ADAMTSL1: variants seen among roughly 807,000 people sequenced by gnomAD.
The protein encoded by ADAMTSL1 is ADAMTS-like protein 1.
In ADAMTSL1, 126 loss-of-function variants were observed where a neutral mutation model predicts 201.8. The observed-to-expected ratio is 0.62, with a 90% CI of 0.54 to 0.72. The LOEUF (loss-of-function observed/expected upper bound fraction) is 0.72, where lower values mean the gene tolerates loss of function less well. Ranked by LOEUF, ADAMTSL1 falls within the 30% of genes least tolerant of loss-of-function variation. ADAMTSL1 has a pLI of 0.00. For synonymous variants in ADAMTSL1, 1,121 were observed against 903.4 expected (o/e 1.24, Z -4.32); for missense variants, 2,679 against 2,277.8 (o/e 1.18, Z -3.59).
intron 2 of ADAMTSL1, among the ~76,000 whole-genome samples, chr9:18,254,659 GCC>G (rs551392654): frequency 1.0e-5 from 1 of 98,650 alleles, no homozygotes; most frequent in Non-Finnish European, 2.0e-5. Flanking sequence ...CACCGCGCCT[GCC>G]CCCCCGCCCC....
intron 2 of ADAMTSL1, among the ~76,000 whole-genome samples, chr9:18,329,338 CA>C (rs1445161643): frequency 1.3e-5 from 2 of 152,092 alleles, no homozygotes; most frequent in Non-Finnish European, 2.9e-5. Flanking sequence ...TTAGCCTAAA[CA>C]GACTAAAATA....
intron 2 of ADAMTSL1, among the ~76,000 whole-genome samples, chr9:18,389,852 T>C (rs1837970719): frequency 6.6e-6 from 1 of 152,164 alleles, no homozygotes; most frequent in Admixed American, 6.5e-5. Flanking sequence ...TATTTACAGA[T>C]ATATAGCTTA....
At chr9:17,950,610 A>G (rs925383707) in intron 1 of ADAMTSL1, among the ~76,000 whole-genome samples, 20 of 151,986 alleles carry the variant, frequency 1.3e-4, no homozygotes, top group Non-Finnish European at 2.6e-4. Context: ...GATCTCTCAT[A>G]CTGATACATA....
chr9:18,607,363 A>T (rs759193606), intron 4 of ADAMTSL1, among the ~76,000 whole-genome samples: 10 of 152,166 alleles, frequency 6.6e-5, no homozygotes, highest in Non-Finnish European at 1.3e-4. Context: ...GTGGTCAAAT[A>T]TGTTTTTCTA....
intron 2 of ADAMTSL1, among the ~76,000 whole-genome samples, chr9:18,370,556 T>C (rs1836999682): frequency 6.6e-6 from 1 of 152,254 alleles, no homozygotes; most frequent in African/African-American, 2.4e-5. Context: ...CTGTTCATAT[T>C]TGTATTGATA....
At chr9:18,796,661 AGTCAAC>A (rs1258872971) in intron 20 of ADAMTSL1, 2 of 152,276 alleles carry the variant, frequency 1.3e-5, no homozygotes, top group African/African-American at 4.8e-5. Context: ...GGAAGATCAA[AGTCAAC>A]AATGAAGAAG....
chr9:18,445,327 C>G (rs1332109191), intron 2 of ADAMTSL1, among the ~76,000 whole-genome samples: 1 of 152,126 alleles, frequency 6.6e-6, no homozygotes, highest in Admixed American at 6.6e-5. Flanking sequence ...GGATAATGAA[C>G]TCTTTGACTT....
chr9:18,105,086 G>C lies in ADAMTSL1; in HGVS notation c.88-58776G>C, dbSNP rs79477927. 4.4e-4 allele frequency among the ~76,000 whole-genome samples: 67 copies of C among 152,290 alleles called. No homozygotes were observed. In the East Asian group the frequency reaches 0.012, roughly 28 times the overall value. On this transcript the variant is annotated intron_variant, in intron 1 of 29. Coordinates refer to the ADAMTSL1 transcript ENST00000680146. ...AGAGAGTAGAAAGAGAGTACTGTGA[G>C]TCAGAGACTCAGTTCTATTCTAGGG... is the stretch of plus-strand genomic sequence containing the variant.
At chr9:18,142,531 A>T (rs1330207801) in intron 1 of ADAMTSL1, among the ~76,000 whole-genome samples, 1 of 151,988 alleles carries the variant, frequency 6.6e-6, no homozygotes, top group East Asian at 1.9e-4. Context: ...TACAGTGGGG[A>T]CTTGGAAAAG....
chr9:18,385,283 G>T (rs1424469516), intron 2 of ADAMTSL1, among the ~76,000 whole-genome samples: 3 of 151,816 alleles, frequency 2.0e-5, no homozygotes, highest in African/African-American at 7.3e-5. Context: ...CTGGCTTTAT[G>T]ATCCACCCAG....
In ADAMTSL1 at chr9:18,462,874, G is replaced by A. The variant is rs951294655; in HGVS notation, c.208-41955G>A. ...GAATCACTTGAACCCAGGAGGTGGA[G>A]GTTGCAGTGAGCCGAGGGAGCACCA... is the stretch of plus-strand genomic sequence containing the variant. On this transcript the variant is annotated intron_variant, in intron 2 of 29. Coordinates refer to the ADAMTSL1 transcript ENST00000680146. Among the ~76,000 whole-genome samples the A allele has an allele frequency of 1.6e-4, 24 of 152,164 alleles. 1 individual carries two copies. The highest frequency in any genetic ancestry group is 1.4e-3 in the Admixed American group (22 of 15,280).
intron 20 of ADAMTSL1, among the ~76,000 whole-genome samples, chr9:18,815,788 G>GTTATT (rs969132378): frequency 2.0e-5 from 3 of 151,318 alleles, no homozygotes; most frequent in Admixed American, 6.6e-5. Context: ...AAACCCGGAG[G>GTTATT]TTATTATGTT....
At chr9:18,904,333 A>G (rs56401921) in intron 26 of ADAMTSL1, among the ~76,000 whole-genome samples, 71,357 of 151,638 alleles carry the variant, frequency 0.47, 17,416 homozygotes, top group African/African-American at 0.59. Flanking sequence ...GCCGGGTGTG[A>G]TGGCACATGC....
At chr9:18,103,693 G>C (rs1824632120) in intron 1 of ADAMTSL1, among the ~76,000 whole-genome samples, 2 of 152,278 alleles carry the variant, frequency 1.3e-5, no homozygotes, top group African/African-American at 4.8e-5. Flanking sequence ...AAACAGCAAT[G>C]TTGTATGTCA....
intron 7 of ADAMTSL1, among the ~76,000 whole-genome samples, chr9:18,655,806 TAAAAAAAAAAAA>T (rs56662538): frequency 0.078 from 6,428 of 82,004 alleles, 232 homozygotes; most frequent in Middle Eastern, 0.18. Context: ...TTTGTGAGCT[TAAAAAAAAAAAA>T]AAAAAAAAAA....
chr9:18,460,923 A>G (rs1184030946), intron 2 of ADAMTSL1, among the ~76,000 whole-genome samples: 1 of 152,222 alleles, frequency 6.6e-6, no homozygotes, highest in African/African-American at 2.4e-5. Context: ...TTGCTCTTGC[A>G]GACTCTTTAT....
At chr9:18,118,777 C>T (rs1048111974) in intron 1 of ADAMTSL1, among the ~76,000 whole-genome samples, 2 of 152,146 alleles carry the variant, frequency 1.3e-5, no homozygotes, top group African/African-American at 4.8e-5. Flanking sequence ...CTTATAAACT[C>T]CTCTAAACGC....
intron 12 of ADAMTSL1, 83 bp from the exon 13 acceptor site, chr9:18,684,633 T>C: frequency 6.8e-7 from 1 of 1,460,030 alleles, no homozygotes; most frequent in Non-Finnish European, 9.2e-7. Flanking sequence ...AGTAACTTCT[T>C]GGTGAGGAGA....
chr9:18,642,201 G>A (rs1367762613), intron 7 of ADAMTSL1, among the ~76,000 whole-genome samples: 1 of 151,876 alleles, frequency 6.6e-6, no homozygotes, highest in Non-Finnish European at 1.5e-5. Flanking sequence ...GCTATCTGAA[G>A]ATTTTTTTTT....
Sources: allele counts gnomAD v4.1 joint callset (sites outside exome capture counted in the v4.1 genomes callset), GRCh38; gene constraint gnomAD v4.1.1; transcripts MANE v1.5; gene names NCBI Gene and HGNC (gene_info 2026-07-23, HGNC 2026-07-21).